YWHAB: variants seen among roughly 807,000 people sequenced by gnomAD.
The protein encoded by YWHAB is 14-3-3 protein beta/alpha.
A neutral mutation model predicts 28.5 loss-of-function variants in YWHAB; 2 were observed. The observed-to-expected ratio is 0.07, with a 90% CI of 0.03 to 0.22. The LOEUF (loss-of-function observed/expected upper bound fraction) is 0.22. Among genes scored for constraint, YWHAB ranks in the 10% least tolerant of loss-of-function variants. The probability of loss-of-function intolerance (pLI) is 1.00; values close to 1 mark genes in which losing one functional copy is unlikely to be tolerated. For synonymous variants in YWHAB, 103 were observed against 104.7 expected (o/e 0.98, Z 0.10); for missense variants, 148 against 297.1 (o/e 0.50, Z 3.69).
intron 1 of YWHAB, among the ~76,000 whole-genome samples, chr20:44,888,352 A>G (rs2066540248): frequency 6.6e-6 from 1 of 152,244 alleles, no homozygotes; most frequent in Non-Finnish European, 1.5e-5. Flanking sequence ...CACTTTAAGC[A>G]TATTAGCTCA....
At chr20:44,890,884 G>A (rs2066557601) in intron 1 of YWHAB, among the ~76,000 whole-genome samples, 1 of 152,116 alleles carries the variant, frequency 6.6e-6, no homozygotes. Flanking sequence ...TGTGATAAGG[G>A]CCATTTTAGA....
chr20:44,906,241 T>G, intron 5 of YWHAB, 141 bp from the exon 6 acceptor site: 4 of 1,144,510 alleles, frequency 3.5e-6, no homozygotes, highest in Non-Finnish European at 5.1e-6. Context: ...TGCTGAAGTT[T>G]TGACCTTTGC....
chr20:44,900,214 A>AT (rs1444601953), intron 1 of YWHAB, among the ~76,000 whole-genome samples: 3 of 152,028 alleles, frequency 2.0e-5, no homozygotes, highest in Non-Finnish European at 4.4e-5. Flanking sequence ...CACCCAGCCA[A>AT]TTTTTTCTTC....
rs1047876737 is a variant in YWHAB, at chr20:44,899,545, G to A, written c.-3-1986G>A. Reference sequence around the variant, plus strand: ...ACTACTGTTTAAAGTAGCATTTCATGTTTTTATAGCTCAGGATATTAGTGT... The same window carrying A: ...ACTACTGTTTAAAGTAGCATTTCATATTTTTATAGCTCAGGATATTAGTGT... On this transcript the variant is annotated intron_variant, in intron 1 of 5. Coordinates refer to ENST00000353703, the MANE Select transcript of YWHAB (RefSeq NM_139323.4). 7.2e-5 allele frequency among the ~76,000 whole-genome samples: 11 copies of A among 152,308 alleles called. No homozygotes were observed. The East Asian group carries it at 2.1e-3, about 29-fold the overall frequency.
At chr20:44,897,428 T>A (rs1471239714) in intron 1 of YWHAB, among the ~76,000 whole-genome samples, 2 of 152,214 alleles carry the variant, frequency 1.3e-5, no homozygotes. Flanking sequence ...GTCTACAGAC[T>A]GGAAATTTTC....
intron 4 of YWHAB, chr20:44,905,597 G>T (rs965383033): frequency 6.1e-6 from 1 of 164,450 alleles, no homozygotes; most frequent in Non-Finnish European, 1.3e-5. Flanking sequence ...GTGCCTTAAA[G>T]TTCCGTCACT....
rs567464702 is a variant in YWHAB at position 44,907,611 on chromosome 20, T to C, written c.*1173T>C. 6.6e-6 allele frequency: 1 copy of C among 152,300 alleles called. No individual in the cohort carries two copies. The highest frequency in any genetic ancestry group is 2.1e-4 in the South Asian group (1 of 4,826). The allele number at this position is 152,300 out of a possible 1,614,324, so 9.4% of individuals were successfully genotyped here. A position where few individuals can be genotyped will look rare whatever the true frequency, so the allele number is the denominator to read the frequency against. On this transcript the variant is annotated 3_prime_UTR_variant, in exon 6 of 6. Transcript: ENST00000353703. Reference sequence around the variant, plus strand: ...TCCTTTTTGACTGTTGACCTTGGTTTTCTCTTCTAAGTTTCTGTCCCTCTG... The same window carrying C: ...TCCTTTTTGACTGTTGACCTTGGTTCTCTCTTCTAAGTTTCTGTCCCTCTG...
At position 44,900,896 on chromosome 20, in the gene YWHAB, CTCCCCAGTAGCTGG is replaced by C. The variant is rs539415423; in HGVS notation, c.-3-634_-3-621del. Among the ~76,000 whole-genome samples the C allele has an allele frequency of 2.0e-5, 3 of 152,308 alleles. No individual in the cohort carries two copies. The East Asian group carries it at 5.8e-4, about 29-fold the overall frequency. On this transcript the variant is annotated intron_variant, in intron 1 of 5. Coordinates refer to ENST00000353703, the MANE Select transcript of YWHAB (RefSeq NM_139323.4). The stretch of plus-strand genomic sequence containing the variant: ...TTTCAAGCGATCCTCCTGCCTCAGC[CTCCCCAGTAGCTGG>C]GATTACAAATGCCTGCCACCACGCC...
At chr20:44,896,606 G>C (rs2066597327) in intron 1 of YWHAB, among the ~76,000 whole-genome samples, 1 of 152,202 alleles carries the variant, frequency 6.6e-6, no homozygotes, top group South Asian at 2.1e-4. Flanking sequence ...ATTTTGAGCG[G>C]GAAGTGACTT....
At chr20:44,887,536 A>G (rs2066535671) in intron 1 of YWHAB, 2 of 152,212 alleles carry the variant, frequency 1.3e-5, no homozygotes. Context: ...TACATTTCAC[A>G]TCTTGCAGTG....
At chr20:44,894,052 A>G (rs1291660132) in intron 1 of YWHAB, among the ~76,000 whole-genome samples, 1 of 151,918 alleles carries the variant, frequency 6.6e-6, no homozygotes, top group Non-Finnish European at 1.5e-5. Context: ...ATTTGCTTCC[A>G]TTTTTTCACT....
chr20:44,899,253 C>CA (rs1269506839), intron 1 of YWHAB, among the ~76,000 whole-genome samples: 5 of 152,222 alleles, frequency 3.3e-5, no homozygotes, highest in African/African-American at 9.6e-5. Context: ...CCAAGGCGGG[C>CA]AGATCACCTG....
Position 44,905,198 on chromosome 20 carries a change from T to C in YWHAB, c.588+67T>C, listed in dbSNP as rs560294475. On this transcript the variant is annotated intron_variant, in intron 4 of 5. Transcript: ENST00000353703. ...TGCTTGTGTTATTAACTTCATTTTA[T>C]TCCTGAACATACTCATTGTCTTGGA... 5.2e-5 allele frequency: 77 copies of C among 1,491,240 alleles called. 1 individual carries two copies. In the South Asian group the frequency reaches 9.4e-4, roughly 18 times the overall value. The allele number at this position is 1,491,240 out of a possible 1,614,324, so 92.4% of individuals were successfully genotyped here. A position where few individuals can be genotyped will look rare whatever the true frequency, so the allele number is the denominator to read the frequency against.
chr20:44,901,853 G>T lies in YWHAB; in HGVS notation c.300+20G>T. ...GTTCTGGTAAGAGGCCAGTGCTTCT[G>T]TTTTGAACAGTGGTTTCTAAATAGT... On this transcript the variant is annotated intron_variant, in intron 2 of 5. Coordinates refer to ENST00000353703, the MANE Select transcript of YWHAB (RefSeq NM_139323.4). The T allele has an allele frequency of 6.4e-7, 1 of 1,569,144 alleles. No individual in the cohort carries two copies. The highest frequency in any genetic ancestry group is 8.7e-7 in the Non-Finnish European group (1 of 1,152,720).
chr20:44,904,202 C>T (rs927584980), intron 3 of YWHAB, 86 bp downstream of exon 3: 5 of 1,525,188 alleles, frequency 3.3e-6, no homozygotes, highest in Non-Finnish European at 4.5e-6. Context: ...TTGCTTTGTT[C>T]GCCATAGACA....
intron 1 of YWHAB, among the ~76,000 whole-genome samples, chr20:44,894,901 T>C (rs527778012): frequency 6.6e-6 from 1 of 152,372 alleles, no homozygotes; most frequent in South Asian, 2.1e-4. Flanking sequence ...TTCCTTGTGC[T>C]CTCCCAATAA....
At chr20:44,901,464 T>C (rs2066626076) in intron 1 of YWHAB, 67 bp from the exon 2 acceptor site, 2 of 1,471,912 alleles carry the variant, frequency 1.4e-6, no homozygotes, top group Non-Finnish European at 1.8e-6. Flanking sequence ...GGAAGAAGAT[T>C]CACACACGTT....
chr20:44,898,569 C>G (rs918282393), intron 1 of YWHAB, among the ~76,000 whole-genome samples: 7 of 151,084 alleles, frequency 4.6e-5, no homozygotes, highest in Non-Finnish European at 4.4e-5. Flanking sequence ...AGTGCAGTGG[C>G]GCGATCTCTG....
intron 1 of YWHAB, among the ~76,000 whole-genome samples, chr20:44,899,683 T>C (rs2044253925): frequency 1.3e-5 from 2 of 152,384 alleles, no homozygotes; most frequent in South Asian, 4.1e-4. Flanking sequence ...CAAAAATTAC[T>C]TATTAAAATT....
Sources: allele counts gnomAD v4.1 joint callset (sites outside exome capture counted in the v4.1 genomes callset), GRCh38; gene constraint gnomAD v4.1.1; transcripts MANE v1.5; gene names NCBI Gene and HGNC (gene_info 2026-07-23, HGNC 2026-07-21).